SLIT3: variants seen among roughly 807,000 people sequenced by gnomAD.
SLIT3 encodes the protein slit homolog 3 protein.
In SLIT3, 68 loss-of-function variants were observed where a neutral mutation model predicts 184.0. The observed-to-expected ratio is 0.37, with a 90% CI of 0.30 to 0.45. SLIT3 has a LOEUF of 0.45. Ranked by LOEUF, SLIT3 falls within the 20% of genes least tolerant of loss-of-function variation. The pLI, the probability that SLIT3 is intolerant of heterozygous loss-of-function variation, is 1.00. For missense variants in SLIT3, 1,707 were observed against 2,026.0 expected (o/e 0.84, Z 3.02); for synonymous variants, 831 against 828.6 (o/e 1.00, Z -0.05).
In SLIT3 at chr5:169,113,369, G is replaced by C. The variant is rs571960601; in HGVS notation, c.413+80110C>G. On this transcript the variant is annotated intron_variant, in intron 4 of 35. Coordinates refer to ENST00000519560, the MANE Select transcript of SLIT3 (RefSeq NM_003062.4). The stretch of plus-strand genomic sequence containing the variant: ...ATTTCACTCAGCATAATGTCTTCAA[G>C]GTCTATCCATGTTGTTGCCTGTGTC... Among the ~76,000 whole-genome samples the C allele has an allele frequency of 3.3e-5, 5 of 152,266 alleles. No homozygotes were observed. In the South Asian group the frequency reaches 1.0e-3, roughly 32 times the overall value.
At chr5:169,225,933 T>G (rs1309044762) in intron 3 of SLIT3, among the ~76,000 whole-genome samples, 1 of 152,150 alleles carries the variant, frequency 6.6e-6, no homozygotes, top group Non-Finnish European at 1.5e-5. Context: ...GTACATTGTC[T>G]GTGGGGCCAG....
At chr5:168,793,716 T>C (rs932230776) in intron 10 of SLIT3, among the ~76,000 whole-genome samples, 19 of 151,920 alleles carry the variant, frequency 1.3e-4, no homozygotes, top group Admixed American at 7.9e-4. Context: ...GTAGGAGATA[T>C]AGGTTGGGGC....
chr5:169,019,640 C>CACTTGCTT (rs1491318493), intron 4 of SLIT3, among the ~76,000 whole-genome samples: 1 of 152,174 alleles, frequency 6.6e-6, no homozygotes, highest in Non-Finnish European at 1.5e-5. Context: ...CTACCTCTAC[C>CACTTGCTT]ACTTGCTTAA....
chr5:169,260,179 T>A (rs569490993), intron 1 of SLIT3, among the ~76,000 whole-genome samples: 2 of 152,174 alleles, frequency 1.3e-5, no homozygotes, highest in Admixed American at 1.3e-4. Flanking sequence ...CATAGTGTGA[T>A]TTGAGGACTC....
At chr5:168,802,768 G>A (rs1756814625) in intron 9 of SLIT3, among the ~76,000 whole-genome samples, 1 of 152,200 alleles carries the variant, frequency 6.6e-6, no homozygotes, top group Admixed American at 6.5e-5. Flanking sequence ...TGTAGTAGTT[G>A]CCAGTATGAA....
At chr5:169,224,253 T>C (rs1391031475) in intron 3 of SLIT3, among the ~76,000 whole-genome samples, 1 of 152,180 alleles carries the variant, frequency 6.6e-6, no homozygotes, top group Non-Finnish European at 1.5e-5. Context: ...AGGATATCAC[T>C]ACAGAAATTA....
intron 23 of SLIT3, among the ~76,000 whole-genome samples, chr5:168,713,607 C>T (rs114020534): frequency 1.2e-3 from 181 of 152,276 alleles, no homozygotes; most frequent in Non-Finnish European, 2.3e-3. Flanking sequence ...AACAAAGAGA[C>T]GATTAGTGTT....
intron 12 of SLIT3, among the ~76,000 whole-genome samples, chr5:168,785,126 T>A (rs1756108189): frequency 6.9e-6 from 1 of 145,394 alleles, no homozygotes; most frequent in Non-Finnish European, 1.5e-5. Context: ...AGAGCAAATG[T>A]GCACATGCAT....
intron 4 of SLIT3, among the ~76,000 whole-genome samples, chr5:168,900,178 G>A (rs563798811): frequency 3.9e-5 from 6 of 152,288 alleles, no homozygotes; most frequent in South Asian, 2.1e-4. Flanking sequence ...GCACTTATAC[G>A]TGGTTGGTGG....
At chr5:169,176,897 C>G (rs1366884207) in intron 4 of SLIT3, among the ~76,000 whole-genome samples, 1 of 152,212 alleles carries the variant, frequency 6.6e-6, no homozygotes, top group African/African-American at 2.4e-5. Context: ...TGCCAGCACC[C>G]TCTTAGAAAT....
At chr5:169,006,605 T>TCTCTCTCTCA (rs899753279) in intron 4 of SLIT3, among the ~76,000 whole-genome samples, 16 of 145,882 alleles carry the variant, frequency 1.1e-4, no homozygotes, top group African/African-American at 3.8e-4. Flanking sequence ...TCTCTCTCTC[T>TCTCTCTCTCA]CACACACACA....
intron 4 of SLIT3, among the ~76,000 whole-genome samples, chr5:169,030,935 C>T (rs966847563): frequency 2.0e-5 from 3 of 152,160 alleles, no homozygotes; most frequent in Non-Finnish European, 4.4e-5. Flanking sequence ...TTGTGACCCT[C>T]GGGCTCTTGC....
chr5:168,965,942 T>A (rs1394827844), intron 4 of SLIT3, among the ~76,000 whole-genome samples: 1 of 152,198 alleles, frequency 6.6e-6, no homozygotes, highest in East Asian at 1.9e-4. Context: ...TGGCAAGACC[T>A]CAGAGCTGAG....
chr5:168,674,489 CTTTTTTT>C (rs141548947), intron 32 of SLIT3, among the ~76,000 whole-genome samples: 1 of 119,928 alleles, frequency 8.3e-6, no homozygotes, highest in Non-Finnish European at 1.7e-5. Context: ...GGGATATTCA[CTTTTTTT>C]TTTTTTTTTT....
Position 169,001,493 on chromosome 5 carries a change from C to T in SLIT3, c.414-118157G>A, listed in dbSNP as rs539782044. Among the ~76,000 whole-genome samples the T allele has an allele frequency of 2.0e-5, 3 of 151,616 alleles. No individual in the cohort carries two copies. In the South Asian group the frequency reaches 6.2e-4, roughly 31 times the overall value. On this transcript the variant is annotated intron_variant, in intron 4 of 35. Coordinates refer to ENST00000519560, the MANE Select transcript of SLIT3 (RefSeq NM_003062.4). ...GCGGGTCACGTCTTTTTTTTCCCTC[C>T]TTAAGTGTTACAATGGAACATTTTG...
At chr5:169,167,361 G>A (rs938219166) in intron 4 of SLIT3, among the ~76,000 whole-genome samples, 4 of 134,218 alleles carry the variant, frequency 3.0e-5, no homozygotes, top group Middle Eastern at 4.3e-3. Context: ...TGCAAGCTCC[G>A]CCTCCCAAGT....
intron 16 of SLIT3, among the ~76,000 whole-genome samples, chr5:168,757,424 TTG>T (rs1754986933): frequency 6.6e-6 from 1 of 152,108 alleles, no homozygotes; most frequent in Non-Finnish European, 1.5e-5. Context: ...ACCCCTATTT[TTG>T]TTGTTGTTAT....
chr5:168,875,207 G>A (rs1581167403), intron 5 of SLIT3, among the ~76,000 whole-genome samples: 1 of 132,966 alleles, frequency 7.5e-6, no homozygotes, highest in East Asian at 2.4e-4. Context: ...AGAGAAAGGG[G>A]GGAAGAGGGA....
chr5:168,916,061 C>T (rs1210418860), intron 4 of SLIT3, among the ~76,000 whole-genome samples: 2 of 152,136 alleles, frequency 1.3e-5, no homozygotes, highest in African/African-American at 4.8e-5. Flanking sequence ...GTGGGGCATA[C>T]TGAAATATTT....
Sources: gnomAD v4.1 joint callset for allele counts (sites outside exome capture counted in the v4.1 genomes callset) on GRCh38, gnomAD v4.1.1 for gene constraint, MANE v1.5 for transcripts, NCBI Gene and HGNC (gene_info 2026-07-23, HGNC 2026-07-21) for gene names.